PPP2R2B: variants seen among roughly 807,000 people sequenced by gnomAD.
The protein encoded by PPP2R2B is protein phosphatase 2 regulatory subunit Bbeta.
In PPP2R2B, 5 loss-of-function variants were observed where a neutral mutation model predicts 46.0. That is an observed-to-expected ratio of 0.11 (90% confidence interval 0.06 to 0.23). The LOEUF (loss-of-function observed/expected upper bound fraction) is 0.23, where lower values mean the gene tolerates loss of function less well. PPP2R2B is among the 10% of genes least tolerant of loss of function. The probability of loss-of-function intolerance (pLI) is 1.00; values close to 1 mark genes in which losing one functional copy is unlikely to be tolerated. For synonymous variants in PPP2R2B, 215 were observed against 206.7 expected, an observed-to-expected ratio of 1.04 and a Z score of -0.34; for missense variants, 367 against 575.0, an observed-to-expected ratio of 0.64 and a Z score of 3.70.
At chr5:146,944,118 T>A (rs1174574021) in intron 1 of PPP2R2B, among the ~76,000 whole-genome samples, 1 of 152,210 alleles carries the variant, frequency 6.6e-6, no homozygotes, top group Non-Finnish European at 1.5e-5. Flanking sequence ...TCTCAGACTG[T>A]AACATCAATA....
chr5:146,702,675 A>C (rs1318832785), intron 2 of PPP2R2B, among the ~76,000 whole-genome samples: 1 of 152,244 alleles, frequency 6.6e-6, no homozygotes, highest in Non-Finnish European at 1.5e-5. Context: ...TACATTGGCA[A>C]GTATTTTTTC....
At chr5:147,058,445 T>G (rs1757157937), upstream of PPP2R2B, among the ~76,000 whole-genome samples, 1 of 152,136 alleles carries the variant, frequency 6.6e-6, no homozygotes, top group Non-Finnish European at 1.5e-5. Context: ...AAAAAAATAC[T>G]CACTGAGGAT....
intron 1 of PPP2R2B, among the ~76,000 whole-genome samples, chr5:146,885,965 T>C (rs1280749813): frequency 6.6e-6 from 1 of 151,774 alleles, no homozygotes; most frequent in Admixed American, 6.6e-5. Context: ...TGCCAGGGAC[T>C]GAGGATAAAA....
chr5:146,852,415 C>T (rs1760402264), intron 2 of PPP2R2B, among the ~76,000 whole-genome samples: 1 of 152,120 alleles, frequency 6.6e-6, no homozygotes, highest in Non-Finnish European at 1.5e-5. Context: ...AAACTGTTTG[C>T]ATTTCACTAG....
intron 3 of PPP2R2B, among the ~76,000 whole-genome samples, chr5:146,700,645 T>G (rs533641157): frequency 6.6e-6 from 1 of 152,332 alleles, no homozygotes; most frequent in African/African-American, 2.4e-5. Flanking sequence ...TCTTCACATC[T>G]GTTGGCAAAT....
chr5:146,702,817 A>C (rs571997392), intron 2 of PPP2R2B, among the ~76,000 whole-genome samples: 1 of 152,322 alleles, frequency 6.6e-6, no homozygotes, highest in Admixed American at 6.5e-5. Flanking sequence ...TGATGCTCTT[A>C]ACTAGAAATC....
intron 2 of PPP2R2B, chr5:146,706,542 T>G (rs550911688): frequency 1.1e-5 from 12 of 1,097,798 alleles, no homozygotes; most frequent in Admixed American, 7.0e-5. Context: ...CTACTTGGTC[T>G]GCTGAAGGGC....
intron 1 of PPP2R2B, among the ~76,000 whole-genome samples, chr5:147,044,207 C>A (rs1164388973): frequency 6.6e-6 from 1 of 151,914 alleles, no homozygotes; most frequent in Non-Finnish European, 1.5e-5. Context: ...GTGGAAAGGG[C>A]CTCAGGTTTC....
At chr5:146,691,733 C>A (rs905477296) in intron 4 of PPP2R2B, among the ~76,000 whole-genome samples, 1 of 152,142 alleles carries the variant, frequency 6.6e-6, no homozygotes, top group South Asian at 2.1e-4. Flanking sequence ...CTTTCTGACC[C>A]CCCTGTCCAT....
chr5:147,049,410 T>C (rs1229407236), intron 1 of PPP2R2B, among the ~76,000 whole-genome samples: 1 of 152,046 alleles, frequency 6.6e-6, no homozygotes, highest in African/African-American at 2.4e-5. Context: ...CAGGTCTGTT[T>C]TGAGATCTCT....
At chr5:147,017,129 A>G (rs1755044157) in intron 1 of PPP2R2B, among the ~76,000 whole-genome samples, 1 of 151,614 alleles carries the variant, frequency 6.6e-6, no homozygotes, top group Admixed American at 6.6e-5. Flanking sequence ...ACTCCAAGCT[A>G]AAGAAATGGA....
chr5:147,072,879 C>T (rs1757643757), intron 2 of PPP2R2B, among the ~76,000 whole-genome samples: 1 of 152,122 alleles, frequency 6.6e-6, no homozygotes, highest in Admixed American at 6.5e-5. Flanking sequence ...TAGCTAATTC[C>T]TGTTTCTACT....
intron 2 of PPP2R2B, among the ~76,000 whole-genome samples, chr5:146,872,127 T>C (rs1419413972): frequency 6.6e-6 from 1 of 152,210 alleles, no homozygotes; most frequent in Non-Finnish European, 1.5e-5. Flanking sequence ...AGGACTGGCC[T>C]AATATTATTC....
intron 2 of PPP2R2B, chr5:146,856,412 G>T: frequency 1.9e-6 from 2 of 1,032,834 alleles, no homozygotes; most frequent in Non-Finnish European, 2.9e-6. Flanking sequence ...GTGTCCCACG[G>T]AACAAATTTT....
chr5:146,972,755 T>C (rs554955041), intron 1 of PPP2R2B, among the ~76,000 whole-genome samples: 15 of 152,176 alleles, frequency 9.9e-5, no homozygotes, highest in Non-Finnish European at 1.6e-4. Context: ...CTTAGTGTAA[T>C]TATAATTAGC....
intron 5 of PPP2R2B, among the ~76,000 whole-genome samples, chr5:146,683,700 C>T (rs540764647): frequency 8.5e-5 from 13 of 152,238 alleles, no homozygotes; most frequent in Admixed American, 8.5e-4. Context: ...AACTCTCATC[C>T]CCCAAAGGCG....
At chr5:146,862,877 A>AC (rs1447220446) in intron 2 of PPP2R2B, among the ~76,000 whole-genome samples, 51 of 150,120 alleles carry the variant, frequency 3.4e-4, no homozygotes, top group Admixed American at 2.4e-3. Context: ...AAAAAAAAAA[A>AC]CCCTGGCTTA....
chr5:146,977,427 A>G (rs934484506), intron 1 of PPP2R2B, among the ~76,000 whole-genome samples: 7 of 151,866 alleles, frequency 4.6e-5, no homozygotes, highest in Admixed American at 4.6e-4. Context: ...GCAGAACATG[A>G]AGGTTTATTA....
At chr5:147,033,063 T>C (rs1755871432) in intron 1 of PPP2R2B, among the ~76,000 whole-genome samples, 1 of 152,082 alleles carries the variant, frequency 6.6e-6, no homozygotes, top group Admixed American at 6.6e-5. Context: ...TATGAGACCA[T>C]GCTATAGTGA....
Sources: gnomAD v4.1 joint callset for allele counts (sites outside exome capture counted in the v4.1 genomes callset) on GRCh38, gnomAD v4.1.1 for gene constraint, MANE v1.5 for transcripts, NCBI Gene and HGNC (gene_info 2026-07-23, HGNC 2026-07-21) for gene names.